Variants in DESI1 observed in about 807,000 individuals in gnomAD.
The protein encoded by DESI1 is desumoylating isopeptidase 1, also known as PPPDE peptidase domain containing 2.
In DESI1, 17 loss-of-function variants were observed where a neutral mutation model predicts 22.4. That is an observed-to-expected ratio of 0.76 (90% CI 0.52 to 1.14). DESI1 has a LOEUF of 1.14. Ranked by LOEUF, DESI1 falls within the 50% of genes most tolerant of loss-of-function variation. The pLI is 0.00. For missense variants in DESI1, 177 were observed against 208.9 expected (o/e 0.85, Z 0.94); for synonymous variants, 92 against 84.2 (o/e 1.09, Z -0.51).
At chr22:41,612,257 C>T (rs1187806514) in intron 1 of DESI1, among the ~76,000 whole-genome samples, 5 of 152,024 alleles carry the variant, frequency 3.3e-5, no homozygotes, top group East Asian at 1.9e-4. Flanking sequence ...GCCTGTAATC[C>T]GAGCGCTTTG....
At chr22:41,612,912 G>A (rs1569069979) in intron 1 of DESI1, among the ~76,000 whole-genome samples, 2 of 152,092 alleles carry the variant, frequency 1.3e-5, no homozygotes, top group South Asian at 4.1e-4. Context: ...GGATGCAGGG[G>A]CAATGACATG....
intron 1 of DESI1, among the ~76,000 whole-genome samples, chr22:41,616,658 G>C (rs936689234): frequency 1.3e-5 from 2 of 151,940 alleles, no homozygotes; most frequent in Non-Finnish European, 2.9e-5. Context: ...ACTTATAATA[G>C]CTAATTATTT....
At chr22:41,601,392 G>T (rs1201100996) in intron 5 of DESI1, among the ~76,000 whole-genome samples, 2 of 152,212 alleles carry the variant, frequency 1.3e-5, no homozygotes, top group African/African-American at 4.8e-5. Context: ...GGGCATCTCC[G>T]AAATAGCCTG....
chr22:41,603,918 C>A (rs926196782), intron 4 of DESI1, 126 bp downstream of exon 4: 8 of 756,542 alleles, frequency 1.1e-5, no homozygotes, highest in African/African-American at 1.8e-5. Flanking sequence ...CATGTTAATT[C>A]AGCAAAAAAC....
chr22:41,619,382 A>C (rs1407813769), intron 1 of DESI1, among the ~76,000 whole-genome samples: 1 of 152,228 alleles, frequency 6.6e-6, no homozygotes, highest in Non-Finnish European at 1.5e-5. Context: ...GTCCAGAGGT[A>C]AGAAACAGTT....
intron 1 of DESI1, among the ~76,000 whole-genome samples, chr22:41,615,403 C>T (rs951464760): frequency 3.3e-5 from 5 of 150,028 alleles, no homozygotes; most frequent in African/African-American, 4.9e-5. Flanking sequence ...CCAGCCTGGG[C>T]ACACAACAAG....
At chr22:41,606,539 C>T (rs1202605109) in intron 3 of DESI1, among the ~76,000 whole-genome samples, 2 of 151,826 alleles carry the variant, frequency 1.3e-5, no homozygotes, top group South Asian at 4.2e-4. Flanking sequence ...TTTGGGAGGC[C>T]GAGGTGGGCT....
At chr22:41,606,663 A>G (rs2067482891) in intron 3 of DESI1, among the ~76,000 whole-genome samples, 2 of 148,864 alleles carry the variant, frequency 1.3e-5, no homozygotes, top group South Asian at 4.3e-4. Context: ...AATCCCAGCT[A>G]CTCGGGAGGC....
At chr22:41,613,990 T>C (rs888545319) in intron 1 of DESI1, among the ~76,000 whole-genome samples, 13 of 152,144 alleles carry the variant, frequency 8.5e-5, no homozygotes, top group African/African-American at 2.4e-4. Context: ...CATCCATTCA[T>C]AGAGTGGAGA....
Position 41,598,900 on chromosome 22 carries a change from A to G in DESI1, c.*2197T>C, listed in dbSNP as rs761092708. 2.0e-5 allele frequency: 3 copies of G among 152,232 alleles called. No homozygotes were observed. Among genetic ancestry groups the G allele is most frequent in the Non-Finnish European group, 2.9e-5 (2 of 68,038 alleles). The allele number at this position is 152,232 out of a possible 1,614,324, so 9.4% of individuals were successfully genotyped here. On this transcript the variant is annotated 3_prime_UTR_variant, in exon 6 of 6. Transcript: ENST00000263256. ...AACAGTCCCTGCTAGTTTCTGCTCTAATCTATTATTTCCATGCACACTGGC... is the reference window on the plus strand; with the variant it reads ...AACAGTCCCTGCTAGTTTCTGCTCTGATCTATTATTTCCATGCACACTGGC...
Position 41,603,401 on chromosome 22 carries a change from C to G in DESI1, c.291-20G>C, listed in dbSNP as rs1362220745. 6.2e-7 allele frequency: 1 copy of G among 1,613,970 alleles called. No individual in the cohort carries two copies. Among genetic ancestry groups the G allele is most frequent in the Non-Finnish European group, 8.5e-7 (1 of 1,179,962 alleles). On this transcript the variant is annotated intron_variant, in intron 4 of 5. Coordinates refer to ENST00000263256, the MANE Select transcript of DESI1 (RefSeq NM_015704.3). ...TCACCTCTGTACATTGAAAGGTTTG[C>G]AGAACATATATGAGAAACCAGCAAG...
At chr22:41,607,050 A>G (rs2067487223) in intron 3 of DESI1, among the ~76,000 whole-genome samples, 1 of 152,164 alleles carries the variant, frequency 6.6e-6, no homozygotes, top group Non-Finnish European at 1.5e-5. Flanking sequence ...TCACCATAAC[A>G]TGCTCTCTGT....
At chr22:41,602,227 G>C (rs961686558) in intron 5 of DESI1, 2 of 985,354 alleles carry the variant, frequency 2.0e-6, no homozygotes, top group African/African-American at 3.5e-5. Context: ...AGTATAGACA[G>C]ATGAAACCTA....
chr22:41,604,355 C>T (rs2067467149), intron 3 of DESI1: 1 of 437,462 alleles, frequency 2.3e-6, no homozygotes, highest in Non-Finnish European at 4.1e-6. Flanking sequence ...AAGTGATCCT[C>T]CTGCCTCAGC....
At chr22:41,603,209 G>A in intron 5 of DESI1, 50 bp downstream of exon 5, 1 of 1,613,006 alleles carries the variant, frequency 6.2e-7, no homozygotes, top group Non-Finnish European at 8.5e-7. Context: ...CCGTGAATGG[G>A]GATTTTCAAG....
intron 1 of DESI1, among the ~76,000 whole-genome samples, chr22:41,611,075 G>A (rs555959874): frequency 6.6e-6 from 1 of 152,250 alleles, no homozygotes; most frequent in East Asian, 1.9e-4. Flanking sequence ...GGGTTCCACT[G>A]GGCTATAAGA....
intron 1 of DESI1, among the ~76,000 whole-genome samples, chr22:41,619,913 C>T (rs570985198): frequency 6.6e-6 from 1 of 152,164 alleles, no homozygotes; most frequent in Non-Finnish European, 1.5e-5. Context: ...AAATTACAAA[C>T]CTGACAATTC....
At chr22:41,603,138 T>C in intron 5 of DESI1, 121 bp downstream of exon 5, 3 of 1,440,910 alleles carry the variant, frequency 2.1e-6, no homozygotes, top group South Asian at 1.3e-5. Flanking sequence ...TGTTAGAATC[T>C]GCCATCAGGG....
chr22:41,614,895 C>CT (rs201890285), intron 1 of DESI1, among the ~76,000 whole-genome samples: 4,186 of 136,770 alleles, frequency 0.031, 195 homozygotes, highest in African/African-American at 0.1. Context: ...TTGTTTTCTT[C>CT]TTCTTTTTTT....
Sources: gnomAD v4.1 joint callset for allele counts (sites outside exome capture counted in the v4.1 genomes callset) on GRCh38, gnomAD v4.1.1 for gene constraint, MANE v1.5 for transcripts, NCBI Gene and HGNC (gene_info 2026-07-23, HGNC 2026-07-21) for gene names.